STXBP4: variants seen among roughly 807,000 people sequenced by gnomAD.
STXBP4 encodes syntaxin-binding protein 4.
STXBP4 carries 55 observed loss-of-function variants against 76.1 expected under a neutral mutation model. That is an observed-to-expected ratio of 0.72 (90% confidence interval 0.58 to 0.91). The LOEUF is 0.91. Ranked by LOEUF, STXBP4 falls within the 40% of genes least tolerant of loss-of-function variation. STXBP4 has a pLI of 0.00. For missense variants in STXBP4, 618 were observed against 636.9 expected, an observed-to-expected ratio of 0.97 and a Z score of 0.32; for synonymous variants, 201 against 220.2, an observed-to-expected ratio of 0.91 and a Z score of 0.77.
chr17:55,052,110 A>G (rs2078867373), intron 12 of STXBP4, among the ~76,000 whole-genome samples: 1 of 152,170 alleles, frequency 6.6e-6, no homozygotes, highest in Non-Finnish European at 1.5e-5. Flanking sequence ...ACACCCTAAT[A>G]ACAGTGAGCA....
At chr17:55,007,477 C>T (rs1388130843) in intron 7 of STXBP4, 29 bp from the exon 8 acceptor site, 1 of 1,539,186 alleles carries the variant, frequency 6.5e-7, no homozygotes, top group South Asian at 1.1e-5. Context: ...ATTAAGTTCC[C>T]AATTAATGTG....
chr17:54,989,699 T>C (rs1347272236), intron 3 of STXBP4, among the ~76,000 whole-genome samples: 1 of 152,238 alleles, frequency 6.6e-6, no homozygotes, highest in Non-Finnish European at 1.5e-5. Context: ...CTAAATCTTA[T>C]TTCAAACTTA....
At chr17:55,126,996 A>C (rs759488796) in intron 16 of STXBP4, among the ~76,000 whole-genome samples, 4 of 152,192 alleles carry the variant, frequency 2.6e-5, no homozygotes, top group Non-Finnish European at 5.9e-5. Context: ...TGCTTTTTAA[A>C]ATTGAGATAT....
the STXBP4 span, among the ~76,000 whole-genome samples, chr17:55,195,571 T>G: frequency 6.6e-6 from 1 of 152,192 alleles, no homozygotes; most frequent in Non-Finnish European, 1.5e-5. Context: ...CTCAGCTTAC[T>G]GAGTAGCAGG....
At chr17:55,057,588 T>A (rs2078943776) in intron 12 of STXBP4, among the ~76,000 whole-genome samples, 1 of 152,222 alleles carries the variant, frequency 6.6e-6, no homozygotes, top group South Asian at 2.1e-4. Flanking sequence ...GTGCAGAACG[T>A]GCAGGTTTAT....
chr17:55,120,683 G>A (rs1459181004), intron 16 of STXBP4, among the ~76,000 whole-genome samples: 1 of 152,328 alleles, frequency 6.6e-6, no homozygotes, highest in Admixed American at 6.5e-5. Context: ...CTAAATGGCT[G>A]CTGCAGAGCA....
At chr17:55,087,215 C>T (rs1206124155) in intron 16 of STXBP4, among the ~76,000 whole-genome samples, 1 of 152,116 alleles carries the variant, frequency 6.6e-6, no homozygotes, top group African/African-American at 2.4e-5. Context: ...GTCTCCAATT[C>T]TATAGGTTGT....
intron 10 of STXBP4, among the ~76,000 whole-genome samples, chr17:55,040,512 A>G (rs1213425302): frequency 6.6e-6 from 1 of 152,172 alleles, no homozygotes; most frequent in African/African-American, 2.4e-5. Flanking sequence ...GTTTAAAATG[A>G]ATTGAGATTA....
chr17:54,974,608 C>G (rs188020661), intron 1 of STXBP4, among the ~76,000 whole-genome samples: 5 of 152,252 alleles, frequency 3.3e-5, no homozygotes, highest in African/African-American at 1.2e-4. Flanking sequence ...AGGCCCTACT[C>G]TTAAAAGGGC....
At chr17:55,041,060 C>T (rs1050711004) in intron 10 of STXBP4, among the ~76,000 whole-genome samples, 2 of 151,972 alleles carry the variant, frequency 1.3e-5, no homozygotes, top group Non-Finnish European at 2.9e-5. Flanking sequence ...TTTTTTAAGT[C>T]ATGGTTCTGT....
intron 16 of STXBP4, among the ~76,000 whole-genome samples, chr17:55,107,285 T>G (rs1267493591): frequency 6.6e-6 from 1 of 152,206 alleles, no homozygotes; most frequent in Non-Finnish European, 1.5e-5. Flanking sequence ...TTCAGCTCCA[T>G]CAGGTCATTT....
the STXBP4 span, among the ~76,000 whole-genome samples, chr17:55,200,609 G>A: frequency 6.6e-6 from 1 of 152,098 alleles, no homozygotes; most frequent in Non-Finnish European, 1.5e-5. Flanking sequence ...CTCAAACCCA[G>A]GCCCACAGGT....
chr17:55,197,554 C>T, the STXBP4 span, among the ~76,000 whole-genome samples: 284 of 152,192 alleles, frequency 1.9e-3, 1 homozygote, highest in Middle Eastern at 3.4e-3. Flanking sequence ...CCATCCTGGC[C>T]AACACGGTGA....
intron 12 of STXBP4, among the ~76,000 whole-genome samples, chr17:55,064,540 A>G (rs1324394718): frequency 6.6e-6 from 1 of 152,104 alleles, no homozygotes; most frequent in East Asian, 1.9e-4. Flanking sequence ...TGTCGCCCAG[A>G]CTGGAGTGCA....
intron 16 of STXBP4, among the ~76,000 whole-genome samples, chr17:55,126,347 A>C (rs1221252797): frequency 1.3e-5 from 2 of 152,234 alleles, no homozygotes; most frequent in Non-Finnish European, 1.5e-5. Context: ...AAACATGCTC[A>C]TAATGAATGG....
At chr17:55,078,299 T>A in intron 14 of STXBP4, 105 bp downstream of exon 14, 1 of 746,554 alleles carries the variant, frequency 1.3e-6, no homozygotes, top group Non-Finnish European at 2.2e-6. Flanking sequence ...TTCTCTAGTC[T>A]CAAAGCAGCA....
At chr17:55,129,068 T>TA (rs1203396645) in intron 16 of STXBP4, among the ~76,000 whole-genome samples, 2 of 151,810 alleles carry the variant, frequency 1.3e-5, no homozygotes, top group African/African-American at 4.8e-5. Flanking sequence ...TAGCTGGGAC[T>TA]ACAGACACTC....
chr17:55,181,652 C>T, the STXBP4 span, among the ~76,000 whole-genome samples: 1 of 151,988 alleles, frequency 6.6e-6, no homozygotes, highest in African/African-American at 2.4e-5. Context: ...TTAGAAAATC[C>T]GGACTTAAAA....
At chr17:55,203,173 G>A in the STXBP4 span, among the ~76,000 whole-genome samples, 7 of 152,058 alleles carry the variant, frequency 4.6e-5, no homozygotes, top group Middle Eastern at 3.2e-3. Context: ...CCTCCAAAAA[G>A]GAAAATATAG....
Sources: allele counts gnomAD v4.1 joint callset (sites outside exome capture counted in the v4.1 genomes callset), GRCh38; gene constraint gnomAD v4.1.1; transcripts MANE v1.5; gene names NCBI Gene and HGNC (gene_info 2026-07-23, HGNC 2026-07-21).